Variants in C8orf34 observed in about 807,000 individuals in gnomAD.
The protein encoded by C8orf34 is uncharacterized protein C8orf34.
In C8orf34, 65 loss-of-function variants were observed where a neutral mutation model predicts 68.3. That is an observed-to-expected ratio of 0.95 (90% confidence interval 0.78 to 1.17). C8orf34 has a LOEUF of 1.17. C8orf34 is among the 50% of genes most tolerant of loss of function. The pLI is 0.00. For missense variants in C8orf34, 664 were observed against 655.4 expected (o/e 1.01, Z -0.14); for synonymous variants, 244 against 241.2 (o/e 1.01, Z -0.11).
At position 68,601,978 on chromosome 8, in the gene C8orf34, G is replaced by A. The variant is rs76621945; in HGVS notation, c.1106-38398G>A. Among the ~76,000 whole-genome samples, 180 of 152,206 alleles carry A rather than the reference G, an allele frequency of 1.2e-3. 1 individual carries two copies. The highest frequency in any genetic ancestry group is 3.7e-3 in the African/African-American group (154 of 41,554). On this transcript the variant is annotated intron_variant, in intron 7 of 13. Transcript: ENST00000518698. Reference sequence around the variant, plus strand: ...AGAGCACTCTCTCACACGGCCTCACGGATGGAAGTTCAGCTCCCTCCCCCA... The same window carrying A: ...AGAGCACTCTCTCACACGGCCTCACAGATGGAAGTTCAGCTCCCTCCCCCA...
rs116414271 is a variant in C8orf34, at chr8:68,588,621, G to T, written c.1106-51755G>T. 4.9e-3 allele frequency among the ~76,000 whole-genome samples: 739 copies of T among 152,208 alleles called. 6 individuals are homozygous for T. The highest frequency in any genetic ancestry group is 0.017 in the African/African-American group (713 of 41,550). On this transcript the variant is annotated intron_variant, in intron 7 of 13. Transcript: ENST00000518698. The stretch of plus-strand genomic sequence containing the variant: ...TGAGGAAAGACCAAAAGAACTGTAG[G>T]TATTAAGTTCATGTGACAAAAGTCC...
intron 7 of C8orf34, among the ~76,000 whole-genome samples, chr8:68,562,932 A>G (rs1323536078): frequency 6.6e-6 from 1 of 152,102 alleles, no homozygotes; most frequent in Non-Finnish European, 1.5e-5. Context: ...TCATACCTTA[A>G]CCTTGGTAGT....
intron 7 of C8orf34, among the ~76,000 whole-genome samples, chr8:68,596,441 T>G (rs981106416): frequency 3.9e-5 from 6 of 152,116 alleles, no homozygotes; most frequent in Non-Finnish European, 5.9e-5. Context: ...CTATGAACAG[T>G]ATGAGATTTT....
At position 68,463,970 on chromosome 8, in the gene C8orf34, G is replaced by A. The variant is rs374543670; in HGVS notation, c.608-4722G>A. On this transcript the variant is annotated intron_variant, in intron 3 of 13. Transcript: ENST00000518698. ...AATTAGGCAGGAGAAGGAAATAAAG[G>A]GTATTCAATTAGGAAAAGAGGAAGT... Among the ~76,000 whole-genome samples, 44 of 152,182 alleles carry A rather than the reference G, an allele frequency of 2.9e-4. 1 individual carries two copies. The East Asian group carries it at 6.0e-3, about 21-fold the overall frequency.
intron 5 of C8orf34, among the ~76,000 whole-genome samples, chr8:68,510,092 G>A (rs1051152608): frequency 6.6e-6 from 1 of 152,108 alleles, no homozygotes; most frequent in Non-Finnish European, 1.5e-5. Context: ...TCTGGATCCT[G>A]TAAATCCAGT....
At position 68,505,513 on chromosome 8, in the gene C8orf34, T is replaced by C. The variant is rs1423144892; in HGVS notation, c.766-16286T>C. 1.5e-4 allele frequency among the ~76,000 whole-genome samples: 14 copies of C among 95,116 alleles called. 2 individuals are homozygous for C. The highest frequency in any genetic ancestry group is 1.3e-3 in the Admixed American group (14 of 10,970). The allele number at this position is 95,116 out of a possible 152,430, so 62.4% of individuals were successfully genotyped here. Reference sequence around the variant, plus strand: ...TTGGGAGGCCGAGGCGGGTGGATCATGAGGTCAGGAGATCGAGACCATCCT... The same window carrying C: ...TTGGGAGGCCGAGGCGGGTGGATCACGAGGTCAGGAGATCGAGACCATCCT... On this transcript the variant is annotated intron_variant, in intron 5 of 13. Coordinates refer to ENST00000518698, the MANE Select transcript of C8orf34 (RefSeq NM_052958.4).
chr8:68,589,007 C>T (rs182558233), intron 7 of C8orf34, among the ~76,000 whole-genome samples: 19 of 152,202 alleles, frequency 1.2e-4, no homozygotes, highest in African/African-American at 4.6e-4. Context: ...TTGGCGAAAA[C>T]AGGCAACAGG....
chr8:68,647,853 CTT>C (rs1819225563), intron 8 of C8orf34, among the ~76,000 whole-genome samples: 1 of 152,078 alleles, frequency 6.6e-6, no homozygotes, highest in Non-Finnish European at 1.5e-5. Context: ...ACTTGACAGA[CTT>C]AGTCTGCTGT....
chr8:68,513,587 T>G (rs2129633524), intron 5 of C8orf34, among the ~76,000 whole-genome samples: 1 of 147,658 alleles, frequency 6.8e-6, no homozygotes, highest in East Asian at 1.9e-4. Context: ...AAAATAAAAG[T>G]TAACTGCTGA....
At chr8:68,576,924 T>C (rs1457400709) in intron 7 of C8orf34, among the ~76,000 whole-genome samples, 1 of 152,054 alleles carries the variant, frequency 6.6e-6, no homozygotes, top group Non-Finnish European at 1.5e-5. Flanking sequence ...CTTCTTAAAG[T>C]GCAATTATTT....
intron 7 of C8orf34, among the ~76,000 whole-genome samples, chr8:68,612,832 T>C (rs1038436636): frequency 3.9e-5 from 6 of 152,182 alleles, no homozygotes; most frequent in African/African-American, 1.4e-4. Context: ...ATGGTTCTTT[T>C]TGAGAATCTT....
At chr8:68,345,686 C>T (rs551910540) in intron 1 of C8orf34, among the ~76,000 whole-genome samples, 1 of 151,970 alleles carries the variant, frequency 6.6e-6, no homozygotes, top group South Asian at 2.1e-4. Context: ...ATTATACATA[C>T]ATACATATAT....
intron 8 of C8orf34, among the ~76,000 whole-genome samples, chr8:68,680,672 G>C (rs999513882): frequency 7.2e-5 from 11 of 151,970 alleles, no homozygotes; most frequent in African/African-American, 2.4e-4. Context: ...CACTGATAAG[G>C]GTCCAACAAA....
At chr8:68,494,902 CA>C (rs1372299333) in intron 5 of C8orf34, among the ~76,000 whole-genome samples, 2 of 150,234 alleles carry the variant, frequency 1.3e-5, no homozygotes, top group Admixed American at 6.7e-5. Flanking sequence ...ATATCTCTCT[CA>C]AAAAATATAT....
In C8orf34 at chr8:68,802,424, G is replaced by T. The variant is rs1035406228; in HGVS notation, c.1550-13462G>T. Among the ~76,000 whole-genome samples the T allele has an allele frequency of 9.9e-5, 15 of 152,100 alleles. No individual in the cohort carries two copies. The South Asian group carries it at 3.1e-3, about 32-fold the overall frequency. Reference sequence around the variant, plus strand: ...TGGTGTAAGATGATTTTTAAAATAAGTACATAGCATTTTATTATCTGGATG... The same window carrying T: ...TGGTGTAAGATGATTTTTAAAATAATTACATAGCATTTTATTATCTGGATG... On this transcript the variant is annotated intron_variant, in intron 12 of 13. Coordinates refer to ENST00000518698, the MANE Select transcript of C8orf34 (RefSeq NM_052958.4).
At chr8:68,459,702 G>A (rs183615560) in intron 3 of C8orf34, among the ~76,000 whole-genome samples, 95 of 152,296 alleles carry the variant, frequency 6.2e-4, no homozygotes, top group African/African-American at 1.7e-3. Flanking sequence ...AAAGATACCT[G>A]CATTCACATG....
At chr8:68,409,121 C>A (rs573610974) in intron 1 of C8orf34, among the ~76,000 whole-genome samples, 4 of 152,290 alleles carry the variant, frequency 2.6e-5, no homozygotes, top group Admixed American at 2.6e-4. Flanking sequence ...TAGCACATAC[C>A]ATTCTGTACG....
chr8:68,701,211 T>C (rs1377934567), intron 8 of C8orf34, among the ~76,000 whole-genome samples: 3 of 152,094 alleles, frequency 2.0e-5, no homozygotes, highest in African/African-American at 7.2e-5. Flanking sequence ...TCAAACAGCC[T>C]GTTCGATATC....
intron 7 of C8orf34, chr8:68,535,637 A>T (rs1815432715): frequency 1.5e-6 from 1 of 678,444 alleles, no homozygotes; most frequent in African/African-American, 2.0e-5. Context: ...ACAGTTGTTT[A>T]ATTATATATT....
Sources: gnomAD v4.1 joint callset for allele counts (sites outside exome capture counted in the v4.1 genomes callset) on GRCh38, gnomAD v4.1.1 for gene constraint, MANE v1.5 for transcripts, NCBI Gene and HGNC (gene_info 2026-07-23, HGNC 2026-07-21) for gene names.